SCG3: variants seen among roughly 807,000 people sequenced by gnomAD.
SCG3 encodes the protein secretogranin III.
SCG3 carries 38 observed loss-of-function variants against 56.2 expected under a neutral mutation model. The ratio of observed to expected loss-of-function variants is 0.68; its 90% CI spans 0.52 to 0.89. The LOEUF (loss-of-function observed/expected upper bound fraction) is 0.89, where lower values mean the gene tolerates loss of function less well. Ranked by LOEUF, SCG3 falls within the 40% of genes least tolerant of loss-of-function variation. The probability of loss-of-function intolerance (pLI) is 0.00; values close to 1 mark genes in which losing one functional copy is unlikely to be tolerated. For synonymous variants in SCG3, 176 were observed against 184.2 expected, an observed-to-expected ratio of 0.96 and a Z score of 0.36; for missense variants, 524 against 540.7, an observed-to-expected ratio of 0.97 and a Z score of 0.31.
Position 51,692,282 on chromosome 15 carries a change from G to C in SCG3, c.814G>C (p.Glu272Gln). 6.2e-7 allele frequency: 1 copy of C among 1,614,060 alleles called. No individual in the cohort carries two copies. Among genetic ancestry groups the C allele is most frequent in the Non-Finnish European group, 8.5e-7 (1 of 1,179,968 alleles). Residue 272 changes from glutamate to glutamine, a missense_variant, in exon 7 of 12, where the codon GAG (glutamate) becomes CAG (glutamine). Transcript: ENST00000220478. ...RTKTYSEDNF[E>Q]ELQYFPNFYA... ...TAAAACCTACAGTGAAGACAACTTT[G>C]AGGAACTCCAATATTTCCCAAATTT...
At chr15:51,711,849 T>A (rs2055422897) in intron 10 of SCG3, among the ~76,000 whole-genome samples, 1 of 152,172 alleles carries the variant, frequency 6.6e-6, no homozygotes. Flanking sequence ...TGTGTAGTAG[T>A]CTCTGTGCTT....
In SCG3 at chr15:51,699,372, G is replaced by C; in HGVS notation, c.1039G>C (p.Ala347Pro). 6.2e-7 allele frequency: 1 copy of C among 1,608,040 alleles called. No individual in the cohort carries two copies. The highest frequency in any genetic ancestry group is 1.1e-5 in the South Asian group (1 of 89,090). ...GACCAAAAACAAGCTAGAAAAAAAT[G>C]CTACTGACAATATAAGCAAGCTTTT... is the stretch of plus-strand genomic sequence containing the variant. ...LQTKNKLEKN[A>P]TDNISKLFPA... Residue 347 changes from alanine (A) to proline (P), a missense_variant, in exon 9 of 12, where the codon GCT becomes CCT. Physicochemically the swap from Ala to Pro is conservative, Grantham distance 27. Transcript: ENST00000220478.
At chr15:51,694,434 A>G (rs1049324722) in intron 7 of SCG3, among the ~76,000 whole-genome samples, 2 of 152,150 alleles carry the variant, frequency 1.3e-5, no homozygotes, top group African/African-American at 4.8e-5. Context: ...GTGGAAAAAA[A>G]GAAAGATTCC....
Position 51,719,640 on chromosome 15 carries a change from G to A in SCG3, c.*114G>A. On this transcript the variant is annotated 3_prime_UTR_variant, in exon 12 of 12. Coordinates refer to ENST00000220478, the MANE Select transcript of SCG3 (RefSeq NM_013243.4). ...GACCCAAGGGTTATTAGAAAGTGCT[G>A]AATTTACAGTAGTTAACCTTTTACA... The A allele has an allele frequency of 1.5e-6, 1 of 676,796 alleles. No individual in the cohort carries two copies. Among genetic ancestry groups the A allele is most frequent in the Non-Finnish European group, 2.5e-6 (1 of 398,840 alleles). The allele number at this position is 676,796 out of a possible 1,614,324, so 41.9% of individuals were successfully genotyped here. A position where few individuals can be genotyped will look rare whatever the true frequency, so the allele number is the denominator to read the frequency against.
intron 10 of SCG3, among the ~76,000 whole-genome samples, chr15:51,707,742 T>C (rs2055385255): frequency 6.6e-6 from 1 of 152,240 alleles, no homozygotes; most frequent in Admixed American, 6.5e-5. Flanking sequence ...TAAAATGTCA[T>C]CATTATGCAG....
chr15:51,713,246 T>C, intron 10 of SCG3, 87 bp from the exon 11 acceptor site: 2 of 847,048 alleles, frequency 2.4e-6, no homozygotes, highest in Non-Finnish European at 3.8e-6. Context: ...AGTCTAATAT[T>C]TGTGGTTCTG....
At chr15:51,704,244 C>CATACATATATATAT (rs751546589) in intron 10 of SCG3, among the ~76,000 whole-genome samples, 1,586 of 73,334 alleles carry the variant, frequency 0.022, 40 homozygotes, top group East Asian at 0.041. Context: ...TACATACATA[C>CATACATATATATAT]ATATATATAT....
chr15:51,704,090 G>C (rs1329728290), intron 10 of SCG3, among the ~76,000 whole-genome samples: 1 of 151,656 alleles, frequency 6.6e-6, no homozygotes, highest in Non-Finnish European at 1.5e-5. Context: ...TCCTGAGCAA[G>C]AGTAGGCAGA....
intron 7 of SCG3, 114 bp downstream of exon 7, chr15:51,692,450 C>A: frequency 2.1e-6 from 2 of 954,224 alleles, no homozygotes; most frequent in Non-Finnish European, 3.0e-6. Context: ...CAATGACATA[C>A]ACTGTGGGCT....
intron 11 of SCG3, among the ~76,000 whole-genome samples, chr15:51,718,247 G>T (rs1384345641): frequency 6.7e-6 from 1 of 150,158 alleles, no homozygotes; most frequent in East Asian, 1.9e-4. Flanking sequence ...GATGTCATAG[G>T]GTATAACCTC....
intron 11 of SCG3, among the ~76,000 whole-genome samples, chr15:51,717,371 A>G (rs2055464131): frequency 6.6e-6 from 1 of 151,320 alleles, no homozygotes; most frequent in Non-Finnish European, 1.5e-5. Flanking sequence ...CCGTCTCAAA[A>G]AAAAAAAAAA....
intron 10 of SCG3, among the ~76,000 whole-genome samples, chr15:51,712,789 A>C (rs907993387): frequency 7.9e-5 from 12 of 152,214 alleles, no homozygotes; most frequent in African/African-American, 2.9e-4. Flanking sequence ...CAAACCTTGA[A>C]GTGAGGCACT....
At chr15:51,718,217 GA>G in intron 11 of SCG3, among the ~76,000 whole-genome samples, 2 of 152,208 alleles carry the variant, frequency 1.3e-5, no homozygotes, top group East Asian at 3.9e-4. Flanking sequence ...CAGACAGACA[GA>G]CAGACAGACA....
intron 10 of SCG3, among the ~76,000 whole-genome samples, chr15:51,709,369 C>G (rs1370397140): frequency 1.3e-5 from 2 of 151,988 alleles, no homozygotes; most frequent in Non-Finnish European, 2.9e-5. Context: ...GGGGACACAG[C>G]CCAACCATAT....
intron 10 of SCG3, among the ~76,000 whole-genome samples, chr15:51,703,456 G>A (rs1170765621): frequency 2.6e-5 from 4 of 152,116 alleles, no homozygotes; most frequent in East Asian, 1.9e-4. Context: ...TTCAGTTGTC[G>A]TTGTTGGTGA....
intron 4 of SCG3, among the ~76,000 whole-genome samples, chr15:51,687,515 A>G (rs1014880351): frequency 1.3e-5 from 2 of 152,164 alleles, no homozygotes; most frequent in Non-Finnish European, 2.9e-5. Flanking sequence ...TGCCAAATGT[A>G]TTCCTAGGAG....
At chr15:51,692,067 A>T (rs2055270442) in intron 6 of SCG3, 92 bp from the exon 7 acceptor site, 2 of 1,237,902 alleles carry the variant, frequency 1.6e-6, no homozygotes, top group Admixed American at 2.3e-5. Flanking sequence ...CTTGCACTTC[A>T]CATTTAAGGG....
At chr15:51,713,926 T>C (rs979910036) in intron 11 of SCG3, among the ~76,000 whole-genome samples, 6 of 152,134 alleles carry the variant, frequency 3.9e-5, no homozygotes, top group Non-Finnish European at 8.8e-5. Flanking sequence ...TTGGCCCTGC[T>C]CAGTGATGTC....
intron 11 of SCG3, chr15:51,715,315 A>T (rs1042013320): frequency 2.0e-5 from 3 of 152,172 alleles, no homozygotes; most frequent in Non-Finnish European, 4.4e-5. Flanking sequence ...CACTGCTCTC[A>T]TATGCGCTCG....
Sources: allele counts gnomAD v4.1 joint callset (sites outside exome capture counted in the v4.1 genomes callset), GRCh38; gene constraint gnomAD v4.1.1; transcripts MANE v1.5; gene names NCBI Gene and HGNC (gene_info 2026-07-23, HGNC 2026-07-21).